The following ITSN2 variants were observed in gnomAD, a reference collection of about 807,000 sequenced individuals.
The protein encoded by ITSN2 is intersectin 2.
Under a neutral mutation model 243.7 loss-of-function variants are expected in ITSN2, and 156 were observed. That is an observed-to-expected ratio of 0.64 (90% CI 0.56 to 0.73). ITSN2 has a LOEUF of 0.73. Among genes scored for constraint, ITSN2 ranks in the 30% least tolerant of loss-of-function variants. ITSN2 has a pLI of 0.00. For synonymous variants in ITSN2, 703 were observed against 699.9 expected (o/e 1.00, Z -0.07); for missense variants, 1,801 against 1,996.1 (o/e 0.90, Z 1.86).
intron 2 of ITSN2, among the ~76,000 whole-genome samples, chr2:24,318,187 GC>G: frequency 6.6e-6 from 1 of 152,032 alleles, no homozygotes; most frequent in South Asian, 2.1e-4. Flanking sequence ...TCACTCTGTT[GC>G]CCAGGCTGGA....
intron 37 of ITSN2, chr2:24,205,649 C>CT (rs1211175468): frequency 7.6e-6 from 2 of 264,136 alleles, no homozygotes; most frequent in Non-Finnish European, 1.5e-5. Context: ...TGTGTAATGT[C>CT]TGTCTCCTCT....
At chr2:24,210,631 A>AAG in intron 34 of ITSN2, 149 bp downstream of exon 34, 6 of 631,416 alleles carry the variant, frequency 9.5e-6, no homozygotes, top group Non-Finnish European at 1.5e-5. Flanking sequence ...AAAAAAAAAA[A>AAG]AAAGAAAAAA....
At chr2:24,314,343 T>C (rs575606772) in intron 3 of ITSN2, among the ~76,000 whole-genome samples, 16 of 152,312 alleles carry the variant, frequency 1.1e-4, no homozygotes, top group South Asian at 6.2e-4. Flanking sequence ...ATTACTATCA[T>C]AGCAGTACAA....
chr2:24,314,210 T>C (rs546470057), intron 3 of ITSN2, among the ~76,000 whole-genome samples: 1 of 152,354 alleles, frequency 6.6e-6, no homozygotes, highest in African/African-American at 2.4e-5. Flanking sequence ...CTCATTTTGC[T>C]AGTTATGCTG....
intron 2 of ITSN2, among the ~76,000 whole-genome samples, chr2:24,325,129 G>A (rs1289467502): frequency 6.6e-6 from 1 of 152,040 alleles, no homozygotes; most frequent in African/African-American, 2.4e-5. Context: ...GATAACACTG[G>A]TCAGGTGTGA....
intron 5 of ITSN2, among the ~76,000 whole-genome samples, chr2:24,311,468 A>T (rs1675801843): frequency 6.6e-6 from 1 of 152,050 alleles, no homozygotes; most frequent in African/African-American, 2.4e-5. Flanking sequence ...GTACAACCTC[A>T]AACTCCTGGA....
chr2:24,260,682 T>C (rs1675729744), intron 22 of ITSN2, among the ~76,000 whole-genome samples: 1 of 152,026 alleles, frequency 6.6e-6, no homozygotes, highest in African/African-American at 2.4e-5. Flanking sequence ...CCAAGGCAGG[T>C]GGATCACCTG....
In ITSN2 at chr2:24,225,520, G is replaced by C. The variant is rs1191679785; in HGVS notation, c.3578-4454C>G. ...ACAGCACAGGCGCCTTGGATGGGAG[G>C]CTTTTTTGGAGACTTGAGTCTGCCT... On this transcript the variant is annotated intron_variant, in intron 29 of 39. Transcript: ENST00000355123. This position sits in a 1 kb window ranked among gnomAD's most constrained non-coding sequence, Gnocchi z 4.2. Among the ~76,000 whole-genome samples, 4 of 152,140 alleles carry C rather than the reference G, an allele frequency of 2.6e-5. No homozygotes were observed. Among genetic ancestry groups the C allele is most frequent in the African/African-American group, 9.7e-5 (4 of 41,412 alleles).
chr2:24,218,765 C>A (rs552489521), intron 30 of ITSN2, among the ~76,000 whole-genome samples: 2 of 152,276 alleles, frequency 1.3e-5, no homozygotes, highest in East Asian at 1.9e-4. Context: ...AAATTCAGCT[C>A]TTTTTGATTC....
At chr2:24,271,406 T>C (rs1400685085) in intron 19 of ITSN2, among the ~76,000 whole-genome samples, 1 of 152,212 alleles carries the variant, frequency 6.6e-6, no homozygotes, top group East Asian at 1.9e-4. Context: ...ATTGTGGAAA[T>C]GGACTGAGGT....
intron 9 of ITSN2, 99 bp from the exon 10 acceptor site, chr2:24,302,201 ATTTAT>A (rs1299312321): frequency 1.6e-6 from 1 of 638,590 alleles, no homozygotes; most frequent in African/African-American, 2.0e-5. Context: ...TTATTTATTT[ATTTAT>A]TTATTTATTT....
chr2:24,341,832 C>T (rs1037967926), intron 1 of ITSN2, among the ~76,000 whole-genome samples: 4 of 151,718 alleles, frequency 2.6e-5, no homozygotes, highest in Admixed American at 6.6e-5. Flanking sequence ...CCAGCCTGGG[C>T]GACAGAGCAA....
At chr2:24,240,437 G>T (rs190934129) in intron 29 of ITSN2, 1 of 152,058 alleles carries the variant, frequency 6.6e-6, no homozygotes, top group East Asian at 1.9e-4. Context: ...AAATAGAGGT[G>T]GTCTAGTAAC....
chr2:24,294,576 T>A (rs1231329448), intron 14 of ITSN2, among the ~76,000 whole-genome samples: 1 of 152,172 alleles, frequency 6.6e-6, no homozygotes, highest in South Asian at 2.1e-4. Flanking sequence ...AGATGCAGAA[T>A]GCTTCCACAG....
rs1273082248 is a variant in ITSN2, at chr2:24,261,604, G to C, written c.2494C>G (p.Leu832Val). Reference protein sequence around the residue: ...EKAVSPKKALLPPTVSLSATS... With the variant: ...EKAVSPKKALVPPTVSLSATS... Reference sequence around the variant, plus strand: ...GCAGATAAAGAAACTGTAGGAGGAAGTAAGGCCTTCTTTGGAGATACAGCT... The same window carrying C: ...GCAGATAAAGAAACTGTAGGAGGAACTAAGGCCTTCTTTGGAGATACAGCT... The change falls in exon 21 of 40, where the codon CTT becomes GTT. Residue 832 changes from leucine to valine, a missense_variant. Physicochemically the swap from Leu to Val is conservative, Grantham distance 32 (BLOSUM62 1). Coordinates refer to ENST00000355123, the MANE Select transcript of ITSN2 (RefSeq NM_006277.3). 1.9e-6 allele frequency: 3 copies of C among 1,613,602 alleles called. No individual in the cohort carries two copies. The highest frequency in any genetic ancestry group is 1.1e-5 in the South Asian group (1 of 91,052).
chr2:24,344,616 C>A (rs1425593255), intron 1 of ITSN2, among the ~76,000 whole-genome samples: 1 of 152,140 alleles, frequency 6.6e-6, no homozygotes, highest in Non-Finnish European at 1.5e-5. Context: ...GCAACACAAA[C>A]TACATAATGT....
At chr2:24,255,651 G>A (rs1674923806) in intron 23 of ITSN2, among the ~76,000 whole-genome samples, 1 of 142,924 alleles carries the variant, frequency 7.0e-6, no homozygotes, top group South Asian at 2.2e-4. Context: ...AAAGGGCTGG[G>A]CATGGTGGCT....
At chr2:24,302,130 T>A in intron 9 of ITSN2, 28 bp from the exon 10 acceptor site, 2 of 1,551,124 alleles carry the variant, frequency 1.3e-6, no homozygotes, top group Non-Finnish European at 1.8e-6. Flanking sequence ...ATTCACAACT[T>A]AATAAAGTCT....
intron 2 of ITSN2, among the ~76,000 whole-genome samples, chr2:24,316,346 T>C (rs1398661955): frequency 1.3e-5 from 2 of 152,204 alleles, no homozygotes; most frequent in Non-Finnish European, 2.9e-5. Context: ...AGCAGAGTGA[T>C]CTCGGCTCAC....
Sources: gnomAD v4.1 joint callset for allele counts (sites outside exome capture counted in the v4.1 genomes callset) on GRCh38, gnomAD v4.1.1 for gene constraint, Gnocchi (gnomAD v3.1) non-coding constraint, MANE v1.5 for transcripts, NCBI Gene and HGNC (gene_info 2026-07-23, HGNC 2026-07-21) for gene names.